Variants in LAIR2 observed in about 807,000 individuals in gnomAD.
The protein encoded by LAIR2 is leukocyte-associated immunoglobulin-like receptor 2.
In LAIR2, 14 loss-of-function variants were observed where a neutral mutation model predicts 14.8. The ratio of observed to expected loss-of-function variants is 0.95; its 90% CI spans 0.62 to 1.48. The LOEUF is 1.48. Among genes scored for constraint, LAIR2 ranks in the 40% most tolerant of loss-of-function variants. The probability of loss-of-function intolerance (pLI) is 0.00; values close to 1 mark genes in which losing one functional copy is unlikely to be tolerated. For missense variants in LAIR2, 172 were observed against 180.9 expected, an observed-to-expected ratio of 0.95 and a Z score of 0.28; for synonymous variants, 75 against 74.5, an observed-to-expected ratio of 1.01 and a Z score of -0.03.
At chr19:54,509,315 A>AT (rs1480288567) in intron 4 of LAIR2, among the ~76,000 whole-genome samples, 1 of 146,104 alleles carries the variant, frequency 6.8e-6, no homozygotes, top group Non-Finnish European at 1.5e-5. Flanking sequence ...AAAGCACTTA[A>AT]TGCAAGCACC....
intron 4 of LAIR2, among the ~76,000 whole-genome samples, chr19:54,509,940 G>C (rs923525190): frequency 4.0e-5 from 6 of 149,584 alleles, no homozygotes; most frequent in African/African-American, 1.5e-4. Context: ...CCCAGAGTAC[G>C]TCCTTGGACC....
chr19:54,506,782 A>G (rs2085371839), intron 2 of LAIR2, among the ~76,000 whole-genome samples: 1 of 152,214 alleles, frequency 6.6e-6, no homozygotes, highest in East Asian at 1.9e-4. Context: ...AAATGAACAA[A>G]TGGGTGGGTT....
At position 54,509,811 on chromosome 19, in the gene LAIR2, C is replaced by A. The variant is rs1166491661; in HGVS notation, c.416-715C>A. 4.0e-5 allele frequency among the ~76,000 whole-genome samples: 6 copies of A among 151,648 alleles called. 1 individual carries two copies. The highest frequency in any genetic ancestry group is 1.3e-4 in the Admixed American group (2 of 15,190). Reference sequence around the variant, plus strand: ...ACTCTGTGTGATGGGAGTGAAGCTGCCCCAAGTCCCTGGGTCTCAAGTTGT... The same window carrying A: ...ACTCTGTGTGATGGGAGTGAAGCTGACCCAAGTCCCTGGGTCTCAAGTTGT... On this transcript the variant is annotated intron_variant, in intron 4 of 4. Transcript: ENST00000301202.
chr19:54,507,867 G>A (rs2085391618), intron 2 of LAIR2, 24 bp from the exon 3 acceptor site: 1 of 1,604,832 alleles, frequency 6.2e-7, no homozygotes, highest in Non-Finnish European at 8.5e-7. Flanking sequence ...TGGACGCTGA[G>A]ATCCTTCTTT....
chr19:54,508,105 T>A lies in LAIR2; in HGVS notation c.285T>A (p.Asn95Lys), dbSNP rs1327290175. Residue 95 changes from asparagine to lysine, a missense_variant, in exon 3 of 5, where the codon AAT (asparagine) becomes AAA (lysine). Physicochemically the swap from Asn to Lys is moderately conservative, Grantham distance 94. Coordinates refer to ENST00000301202, the MANE Select transcript of LAIR2 (RefSeq NM_002288.6). ...RFHIDSVSEG[N>K]AGLYRCLYYK... ...ACATTGACTCAGTAAGTGAAGGAAA[T>A]GCCGGGCTTTATCGCTGCCTCTATT... The A allele has an allele frequency of 6.2e-7, 1 of 1,614,194 alleles. No individual in the cohort carries two copies. The highest frequency in any genetic ancestry group is 8.5e-7 in the Non-Finnish European group (1 of 1,180,028).
intron 4 of LAIR2, among the ~76,000 whole-genome samples, chr19:54,509,890 A>G (rs1362122522): frequency 6.6e-6 from 1 of 151,304 alleles, no homozygotes; most frequent in African/African-American, 2.4e-5. Context: ...ACACGGGGTC[A>G]TAAGCCATTC....
chr19:54,507,772 T>C lies in LAIR2; in HGVS notation c.71-119T>C, dbSNP rs543239740. On this transcript the variant is annotated intron_variant, in intron 2 of 4. Coordinates refer to ENST00000301202, the MANE Select transcript of LAIR2 (RefSeq NM_002288.6). Reference sequence around the variant, plus strand: ...GGAATGTTCTAAGGTTGGGCTGTGGTCGTGGCTGCATAACTCTATAAAATT... The same window carrying C: ...GGAATGTTCTAAGGTTGGGCTGTGGCCGTGGCTGCATAACTCTATAAAATT... 22 of 939,806 alleles carry C rather than the reference T, an allele frequency of 2.3e-5. No homozygotes were observed. The African/African-American group carries it at 2.5e-4, about 11-fold the overall frequency. 58.2% of individuals were successfully genotyped at this position (939,806 alleles called of 1,614,324 possible).
intron 2 of LAIR2, among the ~76,000 whole-genome samples, chr19:54,506,626 C>T (rs1304099590): frequency 3.3e-5 from 5 of 152,204 alleles, no homozygotes; most frequent in African/African-American, 7.2e-5. Context: ...GACAATTCTT[C>T]GATCAATATC....
intron 2 of LAIR2, 121 bp downstream of exon 2, chr19:54,503,856 G>A: frequency 8.1e-7 from 1 of 1,237,110 alleles, no homozygotes; most frequent in Non-Finnish European, 1.2e-6. Context: ...ACCCTAGATT[G>A]CAAACTATTC....
chr19:54,508,000 G>T lies in LAIR2; in HGVS notation c.180G>T (p.Leu60=). 1 of 1,614,186 alleles carries T rather than the reference G, an allele frequency of 6.2e-7. No individual in the cohort carries two copies. The highest frequency in any genetic ancestry group is 8.5e-7 in the Non-Finnish European group (1 of 1,180,024). ...CGGTTGGGGTTCAAACATTCCGCCTGGAGAGGGAGGATAGAGCCAAGTACA... is the reference window on the plus strand; with the variant it reads ...CGGTTGGGGTTCAAACATTCCGCCTTGAGAGGGAGGATAGAGCCAAGTACA... The part of the protein sequence containing the change: ...RGPVGVQTFR[L]EREDRAKYKD... Residue 60 remains leucine (L), a synonymous_variant, in exon 3 of 5, where the codon CTG becomes CTT. Coordinates refer to ENST00000301202, the MANE Select transcript of LAIR2 (RefSeq NM_002288.6).
At chr19:54,505,006 T>C (rs560238179) in intron 2 of LAIR2, among the ~76,000 whole-genome samples, 16 of 152,358 alleles carry the variant, frequency 1.1e-4, no homozygotes, top group East Asian at 3.9e-4. Flanking sequence ...CATGCTGTTG[T>C]GAATGACAGA....
At chr19:54,504,153 A>G (rs2085324113) in intron 2 of LAIR2, among the ~76,000 whole-genome samples, 2 of 149,050 alleles carry the variant, frequency 1.3e-5, no homozygotes, top group South Asian at 2.1e-4. Context: ...TTTAGAAGAG[A>G]TGGGGTTTCA....
intron 3 of LAIR2, among the ~76,000 whole-genome samples, chr19:54,508,774 T>TC (rs145892396): frequency 0.045 from 6,857 of 151,892 alleles, 27 homozygotes; most frequent in African/African-American, 0.15. Context: ...CATCTTCATG[T>TC]CCCCCCAGGA....
intron 4 of LAIR2, among the ~76,000 whole-genome samples, chr19:54,509,454 C>A (rs2085429905): frequency 1.2e-5 from 1 of 82,494 alleles, no homozygotes; most frequent in Non-Finnish European, 2.6e-5. Flanking sequence ...CCCGGGCAGC[C>A]CCACCCCAGA....
Position 54,507,981 on chromosome 19 carries a change from G to A in LAIR2, c.161G>A (p.Gly54Glu), listed in dbSNP as rs1274382245. ...ACTTTCATGTGCCGGGGCCCGGTTG[G>A]GGTTCAAACATTCCGCCTGGAGAGG... ...HVTFMCRGPV[G>E]VQTFRLERED... The change falls in exon 3 of 5, where the codon GGG becomes GAG. Residue 54 changes from glycine (G) to glutamate (E), a missense_variant. Physicochemically the swap from Gly to Glu is moderately conservative, Grantham distance 98. Transcript: ENST00000301202. 3 of 1,614,028 alleles carry A rather than the reference G, an allele frequency of 1.9e-6. No individual in the cohort carries two copies. Among genetic ancestry groups the A allele is most frequent in the Non-Finnish European group, 2.5e-6 (3 of 1,180,032 alleles).
At position 54,503,769 on chromosome 19, in the gene LAIR2, C is replaced by A. The variant is rs574780780; in HGVS notation, c.70+34C>A. 3 of 1,614,038 alleles carry A rather than the reference C, an allele frequency of 1.9e-6. No homozygotes were observed. The South Asian group carries it at 3.3e-5, about 18-fold the overall frequency. On this transcript the variant is annotated intron_variant, in intron 2 of 4. Coordinates refer to ENST00000301202, the MANE Select transcript of LAIR2 (RefSeq NM_002288.6). Reference sequence around the variant, plus strand: ...TGCCTTCGTCCCGTCTTCCCAGTCCCCTCTGTCACCCCAAAGGCAGTGCTG... The same window carrying A: ...TGCCTTCGTCCCGTCTTCCCAGTCCACTCTGTCACCCCAAAGGCAGTGCTG...
chr19:54,505,178 A>C (rs913079061), intron 2 of LAIR2, among the ~76,000 whole-genome samples: 3 of 152,002 alleles, frequency 2.0e-5, no homozygotes, highest in Non-Finnish European at 4.4e-5. Flanking sequence ...CATCACCTCC[A>C]CACACCGATT....
Position 54,507,906 on chromosome 19 carries a change from C to G in LAIR2, c.86C>G (p.Pro29Arg), listed in dbSNP as rs759692621. Residue 29 changes from proline to arginine, a missense_variant, in exon 3 of 5, where the codon CCC becomes CGC. Pro to Arg is a moderately radical substitution (Grantham distance 103). Transcript: ENST00000301202. ...TCCCTCTTAGGGGCCCTTCCCAGAC[C>G]CTCCATCTCGGCTGAGCCAGGCACT... ...IHTQEGALPR[P>R]SISAEPGTVI... is the part of the protein sequence containing the mutation. 2.5e-6 allele frequency: 4 copies of G among 1,613,974 alleles called. No homozygotes were observed. Among genetic ancestry groups the G allele is most frequent in the Non-Finnish European group, 2.5e-6 (3 of 1,179,926 alleles).
rs888755305 is a variant in LAIR2 at position 54,510,683 on chromosome 19, C to T, written c.*114C>T. On this transcript the variant is annotated 3_prime_UTR_variant, in exon 5 of 5. Transcript: ENST00000301202. ...CATATACAAATAAAAAGATACGATTCGCAATGGAGAATTTCAGACCTATCA... is the reference window on the plus strand; with the variant it reads ...CATATACAAATAAAAAGATACGATTTGCAATGGAGAATTTCAGACCTATCA... 6.5e-6 allele frequency: 8 copies of T among 1,238,634 alleles called. No homozygotes were observed. The highest frequency in any genetic ancestry group is 1.9e-4 in the Middle Eastern group (1 of 5,392). 76.7% of individuals were successfully genotyped at this position (1,238,634 alleles called of 1,614,324 possible). A position where few individuals can be genotyped will look rare whatever the true frequency, so the allele number is the denominator to read the frequency against.
Sources: gnomAD v4.1 joint callset for allele counts (sites outside exome capture counted in the v4.1 genomes callset) on GRCh38, gnomAD v4.1.1 for gene constraint, MANE v1.5 for transcripts, NCBI Gene and HGNC (gene_info 2026-07-23, HGNC 2026-07-21) for gene names.